SOX6: variants seen among roughly 807,000 people sequenced by gnomAD.
SOX6 encodes the protein transcription factor SOX-6.
A neutral mutation model predicts 97.8 loss-of-function variants in SOX6; 11 were observed. The observed-to-expected ratio is 0.11, with a 90% confidence interval of 0.07 to 0.19. The LOEUF is 0.19. SOX6 is among the 10% of genes least tolerant of loss of function. SOX6 has a pLI of 1.00. For synonymous variants in SOX6, 360 were observed against 371.4 expected (o/e 0.97, Z 0.35); for missense variants, 810 against 1,039.5 (o/e 0.78, Z 3.04).
At chr11:16,573,672 C>T (rs764258437) in intron 4 of SOX6, among the ~76,000 whole-genome samples, 59 of 152,186 alleles carry the variant, frequency 3.9e-4, no homozygotes, top group Middle Eastern at 3.4e-3. Flanking sequence ...GTTAATAAAA[C>T]AACCAATACA....
Position 16,173,592 on chromosome 11 carries a change from A to T in SOX6, c.777+10294T>A, listed in dbSNP as rs1262518433. 6.7e-5 allele frequency among the ~76,000 whole-genome samples: 9 copies of T among 134,702 alleles called. No individual in the cohort carries two copies. The South Asian group carries it at 1.3e-3, about 19-fold the overall frequency. 88.4% of individuals were successfully genotyped at this position (134,702 alleles called of 152,430 possible). On this transcript the variant is annotated intron_variant, in intron 6 of 15. Transcript: ENST00000683767. ...TTTAGTTTTTTTGTTTTTTTTTTTTAAACTACTAGAAAAGTGTTTGTTTTT... is the reference window on the plus strand; with the variant it reads ...TTTAGTTTTTTTGTTTTTTTTTTTTTAACTACTAGAAAAGTGTTTGTTTTT...
chr11:16,638,885 T>C (rs1299482760), intron 3 of SOX6, among the ~76,000 whole-genome samples: 2 of 152,188 alleles, frequency 1.3e-5, no homozygotes, highest in South Asian at 2.1e-4. Context: ...TTCACTCTGA[T>C]GGTAGTTTCT....
chr11:16,541,690 G>T (rs1443365378), intron 4 of SOX6, among the ~76,000 whole-genome samples: 3 of 152,192 alleles, frequency 2.0e-5, no homozygotes, highest in African/African-American at 7.2e-5. Context: ...AGACACTTAT[G>T]CAGCCAGCAG....
intron 4 of SOX6, among the ~76,000 whole-genome samples, chr11:16,207,830 AAC>A (rs1311504719): frequency 2.1e-5 from 2 of 95,950 alleles, no homozygotes; most frequent in African/African-American, 1.1e-4. Flanking sequence ...GTGTTGCATA[AAC>A]AACAAGTATC....
intron 13 of SOX6, among the ~76,000 whole-genome samples, chr11:16,007,165 T>C (rs1433712035): frequency 6.6e-6 from 1 of 152,114 alleles, no homozygotes; most frequent in African/African-American, 2.4e-5. Flanking sequence ...CATCATAGAA[T>C]GTACTTACCA....
At chr11:16,142,831 C>A (rs1442652209) in intron 6 of SOX6, among the ~76,000 whole-genome samples, 1 of 151,928 alleles carries the variant, frequency 6.6e-6, no homozygotes, top group Non-Finnish European at 1.5e-5. Context: ...AACAAAGCCA[C>A]CAAGAAATAT....
At chr11:16,034,026 T>C (rs1855453328) in intron 12 of SOX6, among the ~76,000 whole-genome samples, 1 of 152,198 alleles carries the variant, frequency 6.6e-6, no homozygotes, top group South Asian at 2.1e-4. Flanking sequence ...CTCACTAAAA[T>C]GTTTCTTTGA....
intron 12 of SOX6, among the ~76,000 whole-genome samples, chr11:16,038,527 G>A (rs560378970): frequency 6.6e-6 from 1 of 151,984 alleles, no homozygotes; most frequent in Non-Finnish European, 1.5e-5. Flanking sequence ...TGCCCAATTT[G>A]TACAGAAGAT....
intron 12 of SOX6, among the ~76,000 whole-genome samples, chr11:16,039,897 C>G (rs1855613817): frequency 6.6e-6 from 1 of 151,500 alleles, no homozygotes; most frequent in African/African-American, 2.4e-5. Context: ...CCCCTGAGAC[C>G]AAAAAAGTTG....
chr11:16,418,091 A>G, intron 1 of SOX6, among the ~76,000 whole-genome samples: 1 of 152,170 alleles, frequency 6.6e-6, no homozygotes, highest in Non-Finnish European at 1.5e-5. Context: ...TCAGTTGTAT[A>G]TTATAATCAC....
At chr11:16,040,253 C>T (rs1855624926) in intron 12 of SOX6, among the ~76,000 whole-genome samples, 1 of 152,000 alleles carries the variant, frequency 6.6e-6, no homozygotes, top group Non-Finnish European at 1.5e-5. Context: ...TATATAAATT[C>T]TCACCATTTT....
intron 4 of SOX6, among the ~76,000 whole-genome samples, chr11:16,539,193 T>C (rs995169672): frequency 9.2e-5 from 14 of 152,158 alleles, no homozygotes; most frequent in Non-Finnish European, 1.9e-4. Flanking sequence ...CACAACTACA[T>C]GGAAACTGAA....
At chr11:16,150,574 T>A (rs565948324) in intron 6 of SOX6, among the ~76,000 whole-genome samples, 1 of 152,308 alleles carries the variant, frequency 6.6e-6, no homozygotes, top group South Asian at 2.1e-4. Context: ...AGTCTAGAAC[T>A]AGTTCTGTCT....
At chr11:16,572,179 T>C (rs1260345602) in intron 4 of SOX6, among the ~76,000 whole-genome samples, 1 of 152,164 alleles carries the variant, frequency 6.6e-6, no homozygotes, top group African/African-American at 2.4e-5. Context: ...ACTATTACTG[T>C]AGCAAAAGGA....
At chr11:16,546,551 G>A (rs1410701263) in intron 4 of SOX6, among the ~76,000 whole-genome samples, 2 of 152,072 alleles carry the variant, frequency 1.3e-5, no homozygotes, top group African/African-American at 4.8e-5. Context: ...GGAAAAACTG[G>A]ATATCCATAT....
At chr11:16,012,310 GAT>G (rs1192867733) in intron 13 of SOX6, among the ~76,000 whole-genome samples, 1 of 151,992 alleles carries the variant, frequency 6.6e-6, no homozygotes, top group African/African-American at 2.4e-5. Context: ...CAGATGCCAG[GAT>G]ATATCCTGAA....
chr11:16,342,280 A>G (rs1287370079), intron 1 of SOX6, among the ~76,000 whole-genome samples: 1 of 152,010 alleles, frequency 6.6e-6, no homozygotes, highest in Admixed American at 6.6e-5. Flanking sequence ...CTGAAAGTGT[A>G]TAACTTAACA....
chr11:16,247,349 T>C (rs770227495), intron 3 of SOX6, among the ~76,000 whole-genome samples: 9 of 152,200 alleles, frequency 5.9e-5, no homozygotes, highest in Non-Finnish European at 7.4e-5. Flanking sequence ...TATTTGGCTA[T>C]TGTGAGTAGT....
intron 6 of SOX6, among the ~76,000 whole-genome samples, chr11:16,155,779 C>T (rs1038083990): frequency 6.6e-6 from 1 of 152,034 alleles, no homozygotes; most frequent in African/African-American, 2.4e-5. Context: ...TTTGTTCTAA[C>T]CAAAGTTTCC....
Sources: gnomAD v4.1 joint callset for allele counts (sites outside exome capture counted in the v4.1 genomes callset) on GRCh38, gnomAD v4.1.1 for gene constraint, MANE v1.5 for transcripts, NCBI Gene and HGNC (gene_info 2026-07-23, HGNC 2026-07-21) for gene names.